Variants in ASTN2 observed in about 807,000 individuals in gnomAD.
ASTN2 encodes astrotactin-2.
ASTN2 carries 54 observed loss-of-function variants against 139.8 expected under a neutral mutation model. The ratio of observed to expected loss-of-function variants is 0.39; its 90% CI spans 0.31 to 0.48. The LOEUF (loss-of-function observed/expected upper bound fraction) is 0.48, where lower values mean the gene tolerates loss of function less well. Ranked by LOEUF, ASTN2 falls within the 20% of genes least tolerant of loss-of-function variation. The probability of loss-of-function intolerance (pLI) is 0.95; values close to 1 mark genes in which losing one functional copy is unlikely to be tolerated. For missense variants in ASTN2, 1,565 were observed against 1,725.1 expected (o/e 0.91, Z 1.64); for synonymous variants, 756 against 719.5 (o/e 1.05, Z -0.81).
At chr9:117,109,865 C>A (rs946076142) in intron 4 of ASTN2, among the ~76,000 whole-genome samples, 1 of 152,106 alleles carries the variant, frequency 6.6e-6, no homozygotes, top group African/African-American at 2.4e-5. Flanking sequence ...ATTGTTTCAC[C>A]TTTTTGGCCT....
intron 10 of ASTN2, among the ~76,000 whole-genome samples, chr9:116,919,640 A>ATTTTTTTTTTTTTTTTT: frequency 8.8e-6 from 1 of 113,568 alleles, no homozygotes. Context: ...CAAAAACATC[A>ATTTTTTTTTTTTTTTTT]TTTTTTTTTT....
rs1360200056 is a variant in ASTN2 at position 117,038,049 on chromosome 9, T to G, written c.1423+1770A>C. ...AAGAGATATAAGTTCTGAATGTATA[T>G]GAACTGATTTGCAGTCCAAGTGAAA... On this transcript the variant is annotated intron_variant, in intron 6 of 22. Transcript: ENST00000313400. Among the ~76,000 whole-genome samples, 3 of 152,178 alleles carry G rather than the reference T, an allele frequency of 2.0e-5. 1 individual carries two copies. Among genetic ancestry groups the G allele is most frequent in the African/African-American group, 7.2e-5 (3 of 41,454 alleles).
intron 20 of ASTN2, among the ~76,000 whole-genome samples, chr9:116,470,187 G>C (rs1848769122): frequency 1.3e-5 from 2 of 152,056 alleles, no homozygotes; most frequent in South Asian, 4.1e-4. Flanking sequence ...CTGGGTGACA[G>C]AGCGAGACAC....
intron 19 of ASTN2, among the ~76,000 whole-genome samples, chr9:116,605,679 C>T (rs1855155446): frequency 6.6e-6 from 1 of 152,078 alleles, no homozygotes; most frequent in Admixed American, 6.5e-5. Context: ...TGATGGGCTA[C>T]AATCCCCTTT....
chr9:117,096,335 A>G (rs1159343693), intron 4 of ASTN2, among the ~76,000 whole-genome samples, 184 bp from the exon 5 acceptor site: 1 of 152,192 alleles, frequency 6.6e-6, no homozygotes. Flanking sequence ...TCTTGGGTCC[A>G]AGCATGACTC....
At chr9:116,993,852 T>TTA (rs1468663808) in intron 7 of ASTN2, among the ~76,000 whole-genome samples, 1 of 26,658 alleles carries the variant, frequency 3.8e-5, no homozygotes, top group Non-Finnish European at 1.0e-4. Flanking sequence ...AGTATGTACA[T>TTA]GATATATATA....
intron 5 of ASTN2, among the ~76,000 whole-genome samples, chr9:117,085,338 C>T (rs926466175): frequency 7.9e-5 from 12 of 152,184 alleles, no homozygotes; most frequent in African/African-American, 2.2e-4. Flanking sequence ...AATGGGCTCT[C>T]CCAGCAAGAG....
At chr9:117,314,205 A>G (rs1348832945) in intron 1 of ASTN2, among the ~76,000 whole-genome samples, 2 of 152,196 alleles carry the variant, frequency 1.3e-5, no homozygotes, top group Non-Finnish European at 2.9e-5. Context: ...TCACAGGTAG[A>G]CACACACAGA....
intron 2 of ASTN2, among the ~76,000 whole-genome samples, chr9:117,273,032 C>G (rs1401639370): frequency 6.6e-6 from 1 of 152,130 alleles, no homozygotes; most frequent in African/African-American, 2.4e-5. Flanking sequence ...TTTTTCACAT[C>G]GCTGATAAAG....
intron 19 of ASTN2, among the ~76,000 whole-genome samples, chr9:116,512,964 T>C (rs1441646964): frequency 6.6e-6 from 1 of 152,222 alleles, no homozygotes; most frequent in Non-Finnish European, 1.5e-5. Context: ...AATTTGCCAA[T>C]CTGTGTCTTT....
rs535757767 is a variant in ASTN2, at chr9:116,480,984, A to G, written c.3497+6375T>C. Among the ~76,000 whole-genome samples the G allele has an allele frequency of 1.2e-4, 18 of 152,348 alleles. 1 individual carries two copies. Among genetic ancestry groups the G allele is most frequent in the African/African-American group, 4.3e-4 (18 of 41,578 alleles). ...ACTCCTCCTCCTGCTGCCATTTGGT[A>G]AGCACTGACAATGAGCTAGACATTA... On this transcript the variant is annotated intron_variant, in intron 20 of 22. Coordinates refer to ENST00000313400, the MANE Select transcript of ASTN2 (RefSeq NM_001365068.1).
At chr9:117,266,272 C>T (rs933322519) in intron 2 of ASTN2, among the ~76,000 whole-genome samples, 3 of 152,110 alleles carry the variant, frequency 2.0e-5, no homozygotes, top group African/African-American at 7.2e-5. Flanking sequence ...CAGTAATAAG[C>T]ACGCCTACAA....
At chr9:116,510,757 T>C (rs926927411) in intron 19 of ASTN2, among the ~76,000 whole-genome samples, 18 of 152,278 alleles carry the variant, frequency 1.2e-4, no homozygotes, top group African/African-American at 4.1e-4. Context: ...TTATTCTCTT[T>C]GAAGCAATTG....
chr9:116,737,915 G>A (rs986611608), intron 13 of ASTN2, among the ~76,000 whole-genome samples: 3 of 152,090 alleles, frequency 2.0e-5, no homozygotes, highest in East Asian at 1.9e-4. Context: ...CATATTGGCC[G>A]GGCGCGGTGG....
chr9:117,319,853 CA>C (rs1400726100), intron 1 of ASTN2, among the ~76,000 whole-genome samples: 5 of 152,240 alleles, frequency 3.3e-5, no homozygotes, highest in Non-Finnish European at 7.4e-5. Context: ...CGGTAATTCC[CA>C]AAACCCATCA....
rs370080023 is a variant in ASTN2 at position 116,706,905 on chromosome 9, A to T, written c.2806+18866T>A. Among the ~76,000 whole-genome samples the T allele has an allele frequency of 4.2e-4, 64 of 151,536 alleles. 2 individuals are homozygous for T. Among genetic ancestry groups the T allele is most frequent in the African/African-American group, 1.4e-3 (59 of 41,262 alleles). On this transcript the variant is annotated intron_variant, in intron 16 of 22. Coordinates refer to ENST00000313400, the MANE Select transcript of ASTN2 (RefSeq NM_001365068.1). Reference sequence around the variant, plus strand: ...TTGGAATTTTTGATAATTGGCATTTAAGAACAAGAATAAAGTGGCATTTAA... The same window carrying T: ...TTGGAATTTTTGATAATTGGCATTTTAGAACAAGAATAAAGTGGCATTTAA...
intron 16 of ASTN2, among the ~76,000 whole-genome samples, chr9:116,663,505 A>G (rs1858683524): frequency 6.6e-6 from 1 of 152,156 alleles, no homozygotes; most frequent in African/African-American, 2.4e-5. Context: ...TACTCATGTT[A>G]AAAGACAACC....
chr9:116,544,954 G>C (rs1365698619), intron 19 of ASTN2, among the ~76,000 whole-genome samples: 1 of 152,204 alleles, frequency 6.6e-6, no homozygotes, highest in African/African-American at 2.4e-5. Flanking sequence ...CCCTTGGTGA[G>C]AGTGCCAATG....
In ASTN2 at chr9:116,824,848, C is replaced by A. The variant is rs1831580964; in HGVS notation, c.2041-4065G>T. ...GAATCTGGTTTGAGAGATAAATATACACATCTATCAGAGAACGTTAGTTAT... is the reference window on the plus strand; with the variant it reads ...GAATCTGGTTTGAGAGATAAATATAAACATCTATCAGAGAACGTTAGTTAT... On this transcript the variant is annotated intron_variant, in intron 11 of 22. Transcript: ENST00000313400. 2.6e-5 allele frequency among the ~76,000 whole-genome samples: 4 copies of A among 152,136 alleles called. No homozygotes were observed. The South Asian group carries it at 8.3e-4, about 31-fold the overall frequency.
Sources: allele counts gnomAD v4.1 joint callset (sites outside exome capture counted in the v4.1 genomes callset), GRCh38; gene constraint gnomAD v4.1.1; transcripts MANE v1.5; gene names NCBI Gene and HGNC (gene_info 2026-07-23, HGNC 2026-07-21).